Variants in MYCBP2 observed in about 807,000 individuals in gnomAD.
The protein encoded by MYCBP2 is MYC binding protein 2.
Under a neutral mutation model 525.3 loss-of-function variants are expected in MYCBP2, and 120 were observed. The observed-to-expected ratio is 0.23, with a 90% CI of 0.20 to 0.27. The LOEUF is 0.27. MYCBP2 is among the 10% of genes least tolerant of loss of function. MYCBP2 has a pLI of 1.00. For missense variants in MYCBP2, 4,149 were observed against 5,657.1 expected, an observed-to-expected ratio of 0.73 and a Z score of 8.55; for synonymous variants, 1,894 against 1,955.8, an observed-to-expected ratio of 0.97 and a Z score of 0.83.
At chr13:77,267,584 G>A (rs1442223369) in intron 8 of MYCBP2, among the ~76,000 whole-genome samples, 2 of 152,112 alleles carry the variant, frequency 1.3e-5, no homozygotes, top group African/African-American at 4.8e-5. Flanking sequence ...TTCAGCAGTG[G>A]TGGGGTGAGG....
At chr13:77,219,228 T>C (rs1054257224) in intron 20 of MYCBP2, among the ~76,000 whole-genome samples, 3 of 152,046 alleles carry the variant, frequency 2.0e-5, no homozygotes, top group South Asian at 2.1e-4. Context: ...AGGAGACTCA[T>C]TGGAGGAGTA....
chr13:77,294,131 C>CATATATAAATATATATATATATATAAAT (rs1555465830), intron 2 of MYCBP2, among the ~76,000 whole-genome samples: 1 of 65,692 alleles, frequency 1.5e-5, no homozygotes, highest in Non-Finnish European at 3.0e-5. Context: ...TATATATATA[C>CATATATAAATATATATATATATATAAAT]ATATATATAT....
At chr13:77,082,968 T>C in intron 63 of MYCBP2, 64 bp downstream of exon 63, 1 of 1,464,098 alleles carries the variant, frequency 6.8e-7, no homozygotes, top group Non-Finnish European at 9.2e-7. Context: ...GAGCATTTCA[T>C]ACTTTGAATA....
chr13:77,166,649 T>C, intron 40 of MYCBP2, 95 bp from the exon 41 acceptor site: 1 of 726,390 alleles, frequency 1.4e-6, no homozygotes. Flanking sequence ...TATGCTTTTA[T>C]TAAATGACAC....
intron 46 of MYCBP2, among the ~76,000 whole-genome samples, chr13:77,155,693 T>G (rs927091731): frequency 8.5e-5 from 13 of 152,164 alleles, no homozygotes; most frequent in African/African-American, 3.1e-4. Context: ...AGAACGTACT[T>G]GAGTCTTTCA....
intron 1 of MYCBP2, among the ~76,000 whole-genome samples, chr13:77,299,829 G>T (rs763415222): frequency 3.3e-5 from 5 of 151,958 alleles, no homozygotes; most frequent in Non-Finnish European, 7.4e-5. Flanking sequence ...AAAGAATTGT[G>T]GTTGACAATA....
intron 35 of MYCBP2, 30 bp from the exon 36 acceptor site, chr13:77,176,658 C>T (rs2154240894): frequency 6.8e-7 from 1 of 1,466,862 alleles, no homozygotes; most frequent in East Asian, 2.4e-5. Flanking sequence ...CACAAAAATT[C>T]CAACAGACTC....
chr13:77,116,277 T>C (rs1489629806), intron 55 of MYCBP2, among the ~76,000 whole-genome samples: 1 of 151,912 alleles, frequency 6.6e-6, no homozygotes, highest in Admixed American at 6.6e-5. Context: ...ATAAATCTCA[T>C]TTTACTAAAT....
chr13:77,269,077 T>C (rs2074490127), intron 7 of MYCBP2, among the ~76,000 whole-genome samples: 1 of 152,210 alleles, frequency 6.6e-6, no homozygotes, highest in South Asian at 2.1e-4. Flanking sequence ...AGAGGAGTAA[T>C]GTATCCATCT....
rs398023536 is a variant in MYCBP2 at position 77,326,240 on chromosome 13, G to GACACACAC, written c.302+226_302+233dup. Among the ~76,000 whole-genome samples, 2,953 of 127,814 alleles carry GACACACAC rather than the reference G, an allele frequency of 0.023. 44 individuals carry two copies. The highest frequency in any genetic ancestry group is 0.03 in the African/African-American group (1,009 of 33,668). The allele number at this position is 127,814 out of a possible 152,430, so 83.9% of individuals were successfully genotyped here. On this transcript the variant is annotated intron_variant, in intron 1 of 82. Transcript: ENST00000544440. The surrounding 1 kb of genome is among the most constrained non-coding windows in gnomAD (Gnocchi z 4.2). ...CACTATCCCCCCACATAGGCAGGCA[G>GACACACAC]ACACACACACACACACACACACACA...
intron 3 of MYCBP2, among the ~76,000 whole-genome samples, chr13:77,281,133 G>T (rs996788603): frequency 1.3e-5 from 2 of 152,140 alleles, no homozygotes; most frequent in Non-Finnish European, 2.9e-5. Context: ...TATAGTCAAT[G>T]AAAACACATA....
chr13:77,133,707 AT>A (rs1428122104), intron 52 of MYCBP2, among the ~76,000 whole-genome samples: 1 of 152,198 alleles, frequency 6.6e-6, no homozygotes, highest in Non-Finnish European at 1.5e-5. Context: ...CTTTACCTAT[AT>A]CAACTATTCA....
chr13:77,185,434 ACAAT>A, intron 31 of MYCBP2, 57 bp from the exon 32 acceptor site: 1 of 1,517,854 alleles, frequency 6.6e-7, no homozygotes, highest in Non-Finnish European at 8.9e-7. Context: ...ATGCATGAAA[ACAAT>A]CAATATAATT....
At chr13:77,319,190 T>C (rs1288145108) in intron 1 of MYCBP2, among the ~76,000 whole-genome samples, 1 of 152,152 alleles carries the variant, frequency 6.6e-6, no homozygotes, top group East Asian at 1.9e-4. Context: ...TCTTGTGACT[T>C]AACCCTAGTT....
chr13:77,086,295 T>C (rs916402777), intron 62 of MYCBP2, among the ~76,000 whole-genome samples: 1 of 152,078 alleles, frequency 6.6e-6, no homozygotes, highest in African/African-American at 2.4e-5. Flanking sequence ...TAACTTGTAA[T>C]GTTGCTACCA....
rs541246321 is a variant in MYCBP2 at position 77,314,974 on chromosome 13, A to G, written c.302+11500T>C. On this transcript the variant is annotated intron_variant, in intron 1 of 82. Transcript: ENST00000544440. ...GGAGGGAGTTATTATCAGAGATCCCATAGACCTTAAAGGATAATGAAAGAA... is the reference window on the plus strand; with the variant it reads ...GGAGGGAGTTATTATCAGAGATCCCGTAGACCTTAAAGGATAATGAAAGAA... Among the ~76,000 whole-genome samples the G allele has an allele frequency of 7.9e-5, 12 of 152,360 alleles. No individual in the cohort carries two copies. The South Asian group carries it at 2.5e-3, about 32-fold the overall frequency.
intron 1 of MYCBP2, among the ~76,000 whole-genome samples, chr13:77,303,000 A>G (rs2078966852): frequency 6.6e-6 from 1 of 152,230 alleles, no homozygotes; most frequent in Admixed American, 6.5e-5. Flanking sequence ...CTGATAGAAC[A>G]AGTAGAGACC....
Position 77,151,045 on chromosome 13 carries a change from T to C in MYCBP2, c.6916-96A>G, listed in dbSNP as rs2056383848. 4.1e-6 allele frequency: 4 copies of C among 976,720 alleles called. No individual in the cohort carries two copies. In the South Asian group the frequency reaches 4.7e-5, roughly 11 times the overall value. 60.5% of individuals were successfully genotyped at this position (976,720 alleles called of 1,614,324 possible). A position where few individuals can be genotyped will look rare whatever the true frequency, so the allele number is the denominator to read the frequency against. ...ACTATTATAAACTCATAATTATGTA[T>C]ACTTTATGTTAGCATTGGTCTGTCT... On this transcript the variant is annotated intron_variant, in intron 46 of 82. Coordinates refer to ENST00000544440, the MANE Select transcript of MYCBP2 (RefSeq NM_015057.5).
At chr13:77,304,819 G>A (rs1203171807) in intron 1 of MYCBP2, among the ~76,000 whole-genome samples, 2 of 151,454 alleles carry the variant, frequency 1.3e-5, no homozygotes, top group African/African-American at 4.8e-5. Flanking sequence ...AAATGGTCAG[G>A]AAAAAAGTAA....
Sources: allele counts gnomAD v4.1 joint callset (sites outside exome capture counted in the v4.1 genomes callset), GRCh38; gene constraint gnomAD v4.1.1; non-coding constraint Gnocchi (gnomAD v3.1); transcripts MANE v1.5; gene names NCBI Gene and HGNC (gene_info 2026-07-23, HGNC 2026-07-21).